The following CELF2 variants were observed in gnomAD, a reference collection of about 807,000 sequenced individuals.
The protein encoded by CELF2 is CUG triplet repeat RNA-binding protein 2.
Under a neutral mutation model 62.6 loss-of-function variants are expected in CELF2, and 8 were observed. The ratio of observed to expected loss-of-function variants is 0.13; its 90% confidence interval spans 0.07 to 0.23. The LOEUF is 0.23. CELF2 is among the 10% of genes least tolerant of loss of function. The probability of loss-of-function intolerance (pLI) is 1.00; values close to 1 mark genes in which losing one functional copy is unlikely to be tolerated. For missense variants in CELF2, 333 were observed against 671.0 expected, an observed-to-expected ratio of 0.50 and a Z score of 5.56; for synonymous variants, 258 against 250.0, an observed-to-expected ratio of 1.03 and a Z score of -0.30.
the CELF2 span, among the ~76,000 whole-genome samples, chr10:10,517,219 G>A: frequency 6.6e-6 from 1 of 152,188 alleles, no homozygotes; most frequent in East Asian, 1.9e-4. Context: ...AATCGCTATA[G>A]CTTGAGGGGG....
chr10:10,877,991 T>G (rs12259022), intron 1 of CELF2, among the ~76,000 whole-genome samples: 146 of 152,254 alleles, frequency 9.6e-4, no homozygotes, highest in African/African-American at 3.2e-3. Flanking sequence ...AGAAAATTCA[T>G]AAACCAAGTG....
chr10:11,327,511 G>GC (rs1287013865), intron 12 of CELF2, among the ~76,000 whole-genome samples: 2 of 152,164 alleles, frequency 1.3e-5, no homozygotes, highest in Non-Finnish European at 2.9e-5. Context: ...TGGTGAGCCA[G>GC]CCGCATTTCT....
chr10:10,730,563 A>C, the CELF2 span, among the ~76,000 whole-genome samples: 3 of 152,252 alleles, frequency 2.0e-5, no homozygotes, highest in Non-Finnish European at 4.4e-5. Flanking sequence ...CTAGTAACTG[A>C]AAACACGCAT....
rs987906408 is a variant in CELF2 at position 11,217,135 on chromosome 10, C to A, written c.272-290C>A. On this transcript the variant is annotated intron_variant, in intron 2 of 12. Transcript: ENST00000633077. The surrounding 1 kb of genome is among the most constrained non-coding windows in gnomAD (Gnocchi z 5.6). ...GCTATAACACAGGTCCCATTCACAT[C>A]TCACCCATTCCTCCACCACCTCCCA... Among the ~76,000 whole-genome samples the A allele has an allele frequency of 6.6e-6, 1 of 152,222 alleles. No individual in the cohort carries two copies. The highest frequency in any genetic ancestry group is 6.5e-5 in the Admixed American group (1 of 15,284).
chr10:10,653,188 C>G, the CELF2 span, among the ~76,000 whole-genome samples: 2 of 152,122 alleles, frequency 1.3e-5, no homozygotes, highest in Non-Finnish European at 2.9e-5. Context: ...ATATATGCAC[C>G]CAATACAGGG....
rs942328884 is a variant in CELF2, at chr10:10,992,832, G to T, written c.89+72833G>T. 5.9e-5 allele frequency among the ~76,000 whole-genome samples: 9 copies of T among 152,334 alleles called. No individual in the cohort carries two copies. The South Asian group carries it at 1.9e-3, about 32-fold the overall frequency. On this transcript the variant is annotated intron_variant, in intron 2 of 13. Coordinates refer to the CELF2 transcript ENST00000636488. ...TACGGCAGTAGGTTAAACAGTCTCT[G>T]TAAGGTTTTTTTCTCTACATCTGGT...
chr10:10,560,789 T>A, the CELF2 span, among the ~76,000 whole-genome samples: 1 of 151,738 alleles, frequency 6.6e-6, no homozygotes, highest in Non-Finnish European at 1.5e-5. Flanking sequence ...CATCAATGAG[T>A]GGATAAAAAA....
At chr10:11,194,177 T>C (rs2134668889) in intron 2 of CELF2, among the ~76,000 whole-genome samples, 1 of 152,314 alleles carries the variant, frequency 6.6e-6, no homozygotes, top group East Asian at 1.9e-4. Flanking sequence ...GCGATTCTCC[T>C]GCCTCAGCCT....
Position 11,334,089 on chromosome 10 carries a change from G to A in CELF2, c.*5036G>A, listed in dbSNP as rs148191019. On this transcript the variant is annotated 3_prime_UTR_variant, in exon 13 of 13. Coordinates refer to ENST00000633077, the MANE Select transcript of CELF2 (RefSeq NM_001326342.2). ...TAGAATTTTGTCTTAAAATAACAGCGGTAAGTTTCACTTTTTATTCTGTAT... is the reference window on the plus strand; with the variant it reads ...TAGAATTTTGTCTTAAAATAACAGCAGTAAGTTTCACTTTTTATTCTGTAT... The A allele has an allele frequency of 2.3e-4, 35 of 152,574 alleles. No homozygotes were observed. The highest frequency in any genetic ancestry group is 6.2e-4 in the South Asian group (3 of 4,810). 9.5% of individuals were successfully genotyped at this position (152,574 alleles called of 1,614,324 possible). A position where few individuals can be genotyped will look rare whatever the true frequency, so the allele number is the denominator to read the frequency against.
chr10:10,489,507 C>G, the CELF2 span, among the ~76,000 whole-genome samples: 1 of 152,048 alleles, frequency 6.6e-6, no homozygotes, highest in African/African-American at 2.4e-5. Flanking sequence ...TTAATCATTT[C>G]AATTAGCTCT....
In CELF2 at chr10:11,128,003, T is replaced by C. The variant is rs1033205820; in HGVS notation, c.75-37483T>C. Among the ~76,000 whole-genome samples, 3 of 152,382 alleles carry C rather than the reference T, an allele frequency of 2.0e-5. No individual in the cohort carries two copies. The East Asian group carries it at 5.8e-4, about 29-fold the overall frequency. The stretch of plus-strand genomic sequence containing the variant: ...TGCCTGGGTTTTCTTCTAGGGTTTT[T>C]ATGGTTTTGGGTCTTACATTTAAGT... On this transcript the variant is annotated intron_variant, in intron 1 of 12. Transcript: ENST00000633077.
At chr10:10,741,610 G>C in the CELF2 span, among the ~76,000 whole-genome samples, 1 of 151,762 alleles carries the variant, frequency 6.6e-6, no homozygotes, top group African/African-American at 2.4e-5. Context: ...TTAGAAGACA[G>C]CTATGGGTTT....
chr10:10,503,671 A>G, the CELF2 span, among the ~76,000 whole-genome samples: 15 of 151,856 alleles, frequency 9.9e-5, no homozygotes, highest in Admixed American at 6.6e-4. Context: ...CACTCTGCCA[A>G]TCTCTGTTTG....
the CELF2 span, among the ~76,000 whole-genome samples, chr10:10,523,795 G>T: frequency 6.6e-6 from 1 of 152,176 alleles, no homozygotes; most frequent in East Asian, 1.9e-4. Context: ...GGGTTGTGCA[G>T]GGGTGGGGAG....
At chr10:10,831,430 C>A (rs1361410899) in intron 1 of CELF2, among the ~76,000 whole-genome samples, 3 of 152,210 alleles carry the variant, frequency 2.0e-5, no homozygotes, top group African/African-American at 7.2e-5. Flanking sequence ...TGTGAAGGCC[C>A]TCAGCCTAAA....
At chr10:10,700,329 C>A in the CELF2 span, among the ~76,000 whole-genome samples, 3 of 152,184 alleles carry the variant, frequency 2.0e-5, no homozygotes, top group Non-Finnish European at 4.4e-5. Flanking sequence ...TCATTCCAGT[C>A]ACTTCCTTTT....
At chr10:10,852,441 G>A (rs924204999) in intron 1 of CELF2, among the ~76,000 whole-genome samples, 22 of 152,194 alleles carry the variant, frequency 1.4e-4, no homozygotes, top group African/African-American at 5.3e-4. Context: ...TGGAGTTGGG[G>A]CTGGAAGGGG....
chr10:10,739,680 C>A, the CELF2 span, among the ~76,000 whole-genome samples: 3 of 152,162 alleles, frequency 2.0e-5, no homozygotes, highest in Non-Finnish European at 4.4e-5. Context: ...CAGGATCCCA[C>A]AAAGCATTTA....
chr10:10,950,901 C>T lies in CELF2; in HGVS notation c.89+30902C>T, dbSNP rs925466144. Among the ~76,000 whole-genome samples the T allele has an allele frequency of 1.2e-4, 19 of 152,246 alleles. No individual in the cohort carries two copies. The South Asian group carries it at 2.5e-3, about 20-fold the overall frequency. On this transcript the variant is annotated intron_variant, in intron 2 of 13. Coordinates refer to the CELF2 transcript ENST00000636488. ...GTGCTGAGCCAAAGGAGAATTTCCA[C>T]AGAAAACACCTTGGCAGTCAAAGTT...
Sources: gnomAD v4.1 joint callset for allele counts (sites outside exome capture counted in the v4.1 genomes callset) on GRCh38, gnomAD v4.1.1 for gene constraint, Gnocchi (gnomAD v3.1) non-coding constraint, MANE v1.5 for transcripts, NCBI Gene and HGNC (gene_info 2026-07-23, HGNC 2026-07-21) for gene names.